The following RCVRN variants were observed in gnomAD, a reference collection of about 807,000 sequenced individuals.
RCVRN encodes cancer associated retinopathy antigen.
Under a neutral mutation model 20.4 loss-of-function variants are expected in RCVRN, and 23 were observed. That is an observed-to-expected ratio of 1.13 (90% confidence interval 0.81 to 1.60). RCVRN has a LOEUF of 1.60. Among genes scored for constraint, RCVRN ranks in the 40% most tolerant of loss-of-function variants. The probability of loss-of-function intolerance (pLI) is 0.00; values close to 1 mark genes in which losing one functional copy is unlikely to be tolerated. For synonymous variants in RCVRN, 105 were observed against 105.9 expected (o/e 0.99, Z 0.05); for missense variants, 254 against 254.2 (o/e 1.00, Z 0.00).
Position 9,905,213 on chromosome 17 carries a change from C to T in RCVRN, c.-33G>A, listed in dbSNP as rs771011311. On this transcript the variant is annotated 5_prime_UTR_variant, in exon 1 of 3. Coordinates refer to ENST00000226193, the MANE Select transcript of RCVRN (RefSeq NM_002903.3). Reference sequence around the variant, plus strand: ...GAAGAGTGGGCAGCGGCTGGGGAGTCGCTGGGTGGGTGGGACGTGCGTGGT... The same window carrying T: ...GAAGAGTGGGCAGCGGCTGGGGAGTTGCTGGGTGGGTGGGACGTGCGTGGT... 2.6e-6 allele frequency: 4 copies of T among 1,568,618 alleles called. No homozygotes were observed. The highest frequency in any genetic ancestry group is 1.3e-5 in the African/African-American group (1 of 74,136).
chr17:9,904,020 C>T lies in RCVRN; in HGVS notation c.381+780G>A, dbSNP rs1458763906. ...CTTTGGGAGGCTGAGGCTGGCGGAT[C>T]GCTGGAGGTCGGGAGTTTGAGACCA... On this transcript the variant is annotated intron_variant, in intron 1 of 2. Transcript: ENST00000226193. This position sits in a 1 kb window ranked among gnomAD's most constrained non-coding sequence, Gnocchi z 5.8. Among the ~76,000 whole-genome samples the T allele has an allele frequency of 2.6e-5, 4 of 152,142 alleles. No homozygotes were observed. The highest frequency in any genetic ancestry group is 2.1e-4 in the South Asian group (1 of 4,828).
chr17:9,898,123 T>A lies in RCVRN; in HGVS notation c.575A>T (p.Lys192Ile). 6.2e-7 allele frequency: 1 copy of A among 1,613,964 alleles called. No homozygotes were observed. The change falls in exon 3 of 3, where the codon AAA becomes ATA. Residue 192 changes from lysine (K) to isoleucine (I), a missense_variant. Transcript: ENST00000226193. ...ILRLIQFEPQ[K>I]VKEKMKNA is the part of the protein sequence containing the mutation. ...GGCGTTCTTCATCTTTTCCTTCACT[T>A]TTTGAGGCTCAAACTGGATCAGTCG...
At position 9,896,495 on chromosome 17, in the gene RCVRN, G is replaced by T. The variant is rs1161769900; in HGVS notation, c.*1600C>A. 6.6e-6 allele frequency: 1 copy of T among 152,112 alleles called. No individual in the cohort carries two copies. Among genetic ancestry groups the T allele is most frequent in the African/African-American group, 2.4e-5 (1 of 41,414 alleles). The allele number at this position is 152,112 out of a possible 1,614,324, so 9.4% of individuals were successfully genotyped here. A position where few individuals can be genotyped will look rare whatever the true frequency, so the allele number is the denominator to read the frequency against. On this transcript the variant is annotated 3_prime_UTR_variant, in exon 3 of 3. Coordinates refer to ENST00000226193, the MANE Select transcript of RCVRN (RefSeq NM_002903.3). Reference sequence around the variant, plus strand: ...GCAGACAGGTCAGTCAAGAATCCAGGGTATCCATGCATTTTTCTGACCTCA... The same window carrying T: ...GCAGACAGGTCAGTCAAGAATCCAGTGTATCCATGCATTTTTCTGACCTCA...
At position 9,904,741 on chromosome 17, in the gene RCVRN, A is replaced by AC; in HGVS notation, c.381+58dup. ...CCCTCTGCAGCAGCTGCAGCAGGGG[A>AC]CCCCCAGCCCGGAGCGACCCCGGCA... is the stretch of plus-strand genomic sequence containing the variant. On this transcript the variant is annotated intron_variant, in intron 1 of 2. Transcript: ENST00000226193. The surrounding 1 kb of genome is among the most constrained non-coding windows in gnomAD (Gnocchi z 5.8). The AC allele has an allele frequency of 6.4e-7, 1 of 1,557,964 alleles. No individual in the cohort carries two copies. The highest frequency in any genetic ancestry group is 8.7e-7 in the Non-Finnish European group (1 of 1,147,674).
Position 9,904,659 on chromosome 17 carries a change from A to T in RCVRN, c.381+141T>A. 1.1e-6 allele frequency: 1 copy of T among 925,446 alleles called. No homozygotes were observed. The highest frequency in any genetic ancestry group is 1.6e-5 in the South Asian group (1 of 61,566). 57.3% of individuals were successfully genotyped at this position (925,446 alleles called of 1,614,324 possible). ...CCCTCTATCAATATCAGCATCTCGGAGCACCACGCTCTCAGAGCCAGTGGC... is the reference window on the plus strand; with the variant it reads ...CCCTCTATCAATATCAGCATCTCGGTGCACCACGCTCTCAGAGCCAGTGGC... On this transcript the variant is annotated intron_variant, in intron 1 of 2. Coordinates refer to ENST00000226193, the MANE Select transcript of RCVRN (RefSeq NM_002903.3). The surrounding 1 kb of genome is among the most constrained non-coding windows in gnomAD (Gnocchi z 5.8).
intron 2 of RCVRN, among the ~76,000 whole-genome samples, chr17:9,898,885 A>G (rs2067330144): frequency 6.6e-6 from 1 of 152,180 alleles, no homozygotes; most frequent in Admixed American, 6.5e-5. Flanking sequence ...CAGGACTGAG[A>G]GACAGCCTTG....
At chr17:9,901,165 T>G (rs2067340105) in intron 1 of RCVRN, 65 bp from the exon 2 acceptor site, 1 of 867,082 alleles carries the variant, frequency 1.2e-6, no homozygotes. Flanking sequence ...CCCTGGAAAA[T>G]CCACATCTTA....
intron 1 of RCVRN, among the ~76,000 whole-genome samples, chr17:9,903,386 G>C (rs2067349431): frequency 6.6e-6 from 1 of 152,246 alleles, no homozygotes; most frequent in African/African-American, 2.4e-5. Context: ...ATGGAAGCCT[G>C]TGCGCCTCAC....
In RCVRN at chr17:9,905,112, G is replaced by T. The variant is rs769123427; in HGVS notation, c.69C>A (p.Phe23Leu). The T allele has an allele frequency of 6.2e-7, 1 of 1,610,498 alleles. No individual in the cohort carries two copies. Among genetic ancestry groups the T allele is most frequent in the South Asian group, 1.1e-5 (1 of 90,294 alleles). ...ACCAGGAGCACAGCTCCTCCTCCGA[G>T]AACTTGGTGTTCAGCTGCAGCTCCT... Reference protein sequence around the residue: ...ILEELQLNTKFSEEELCSWYQ... With the variant: ...ILEELQLNTKLSEEELCSWYQ... The change falls in exon 1 of 3, where the codon TTC becomes TTA. Residue 23 changes from phenylalanine to leucine, a missense_variant. Physicochemically the swap from Phe to Leu is conservative, Grantham distance 22. Coordinates refer to ENST00000226193, the MANE Select transcript of RCVRN (RefSeq NM_002903.3).
Position 9,904,936 on chromosome 17 carries a change from T to A in RCVRN, c.245A>T (p.Asp82Val), listed in dbSNP as rs200127366. ...SFDSNLDGTL[D>V]FKEYVIALHM... ...CAGGGCGATGACGTACTCCTTGAAG[T>A]CCAGGGTGCCGTCGAGGTTGGAATC... The change falls in exon 1 of 3, where the codon GAC becomes GTC. Residue 82 changes from aspartate (D) to valine (V), a missense_variant. By Grantham distance (152) the Asp-to-Val change is radical. Transcript: ENST00000226193. The surrounding 1 kb of genome is among the most constrained non-coding windows in gnomAD (Gnocchi z 5.8). 48 of 1,614,042 alleles carry A rather than the reference T, an allele frequency of 3.0e-5. No homozygotes were observed. The highest frequency in any genetic ancestry group is 4.2e-6 in the Non-Finnish European group (5 of 1,180,032).
chr17:9,901,987 A>T (rs1040748648), intron 1 of RCVRN, among the ~76,000 whole-genome samples: 2 of 151,828 alleles, frequency 1.3e-5, no homozygotes, highest in Non-Finnish European at 2.9e-5. Context: ...CCATTGATGG[A>T]GTCTCCCTCC....
chr17:9,898,453 C>A (rs375673194), intron 2 of RCVRN, among the ~76,000 whole-genome samples: 1 of 152,186 alleles, frequency 6.6e-6, no homozygotes, highest in East Asian at 1.9e-4. Flanking sequence ...ACTGGGGGGG[C>A]CCCCAAGATG....
At chr17:9,898,409 C>T (rs1389388643) in intron 2 of RCVRN, among the ~76,000 whole-genome samples, 1 of 152,152 alleles carries the variant, frequency 6.6e-6, no homozygotes, top group Non-Finnish European at 1.5e-5. Context: ...CTTGGAGCTC[C>T]CTGCAGACCA....
intron 1 of RCVRN, among the ~76,000 whole-genome samples, chr17:9,901,754 A>G (rs555922972): frequency 6.6e-5 from 10 of 152,364 alleles, no homozygotes; most frequent in African/African-American, 2.2e-4. Flanking sequence ...CCCACTTCCA[A>G]CACGGAGGGA....
chr17:9,904,843 C>G lies in RCVRN; in HGVS notation c.338G>C (p.Gly113Ala), dbSNP rs2067356170. Residue 113 changes from glycine to alanine, a missense_variant, in exon 1 of 3, where the codon GGT becomes GCT. Coordinates refer to ENST00000226193, the MANE Select transcript of RCVRN (RefSeq NM_002903.3). This position sits in a 1 kb window ranked among gnomAD's most constrained non-coding sequence, Gnocchi z 5.8. Reference sequence around the variant, plus strand: ...TTCATTCTTGCTGATGGTCCCGTTACCGTCCACGTCGTAGAGGGAGAAGGC... The same window carrying G: ...TTCATTCTTGCTGATGGTCCCGTTAGCGTCCACGTCGTAGAGGGAGAAGGC... ...EWAFSLYDVDGNGTISKNEVL... is the reference protein window; with the variant it reads ...EWAFSLYDVDANGTISKNEVL... The G allele has an allele frequency of 6.2e-7, 1 of 1,614,206 alleles. No homozygotes were observed. The highest frequency in any genetic ancestry group is 8.5e-7 in the Non-Finnish European group (1 of 1,180,032).
chr17:9,902,709 T>C (rs936684109), intron 1 of RCVRN, among the ~76,000 whole-genome samples: 10 of 152,200 alleles, frequency 6.6e-5, no homozygotes, highest in African/African-American at 2.4e-4. Flanking sequence ...AAAAGAGTTT[T>C]GGAAGAGGTT....
At chr17:9,900,072 C>G (rs973488509) in intron 2 of RCVRN, among the ~76,000 whole-genome samples, 1 of 152,126 alleles carries the variant, frequency 6.6e-6, no homozygotes. Flanking sequence ...GTCTCAACCA[C>G]GGGTTCCATA....
In RCVRN at chr17:9,904,601, G is replaced by A. The variant is rs1232004664; in HGVS notation, c.381+199C>T. 2.6e-5 allele frequency among the ~76,000 whole-genome samples: 4 copies of A among 152,170 alleles called. No homozygotes were observed. The highest frequency in any genetic ancestry group is 9.7e-5 in the African/African-American group (4 of 41,432). ...TTAGGAAACACTCAGATTCTGCTCC[G>A]GGAAGACAACGAAGCTGTGGGCAAG... On this transcript the variant is annotated intron_variant, in intron 1 of 2. Coordinates refer to ENST00000226193, the MANE Select transcript of RCVRN (RefSeq NM_002903.3). This position sits in a 1 kb window ranked among gnomAD's most constrained non-coding sequence, Gnocchi z 5.8.
rs1227750121 is a variant in RCVRN, at chr17:9,899,261, G to A, written c.494-1057C>T. 6.6e-6 allele frequency among the ~76,000 whole-genome samples: 1 copy of A among 152,160 alleles called. No individual in the cohort carries two copies. Among genetic ancestry groups the A allele is most frequent in the East Asian group, 1.9e-4 (1 of 5,188 alleles). On this transcript the variant is annotated intron_variant, in intron 2 of 2. Coordinates refer to ENST00000226193, the MANE Select transcript of RCVRN (RefSeq NM_002903.3). This position sits in a 1 kb window ranked among gnomAD's most constrained non-coding sequence, Gnocchi z 4.6. The stretch of plus-strand genomic sequence containing the variant: ...ATACCTTTAATCCCTTCTGGGTTAG[G>A]ATCCAGGATGGCTTCCTCCGCAAGT...
Sources: gnomAD v4.1 joint callset for allele counts (sites outside exome capture counted in the v4.1 genomes callset) on GRCh38, gnomAD v4.1.1 for gene constraint, Gnocchi (gnomAD v3.1) non-coding constraint, MANE v1.5 for transcripts, NCBI Gene and HGNC (gene_info 2026-07-23, HGNC 2026-07-21) for gene names.